The following MED12L variants were observed in gnomAD, a reference collection of about 807,000 sequenced individuals.
The protein encoded by MED12L is mediator complex subunit 12L, also known as mediator of RNA polymerase II transcription subunit 12-like protein.
A neutral mutation model predicts 281.3 loss-of-function variants in MED12L; 60 were observed. The observed-to-expected ratio is 0.21, with a 90% CI of 0.17 to 0.26. The LOEUF (loss-of-function observed/expected upper bound fraction) is 0.26, where lower values mean the gene tolerates loss of function less well. Among genes scored for constraint, MED12L ranks in the 10% least tolerant of loss-of-function variants. MED12L has a pLI of 1.00. For missense variants in MED12L, 2,146 were observed against 2,680.9 expected (o/e 0.80, Z 4.41); for synonymous variants, 974 against 987.2 (o/e 0.99, Z 0.25).
chr3:151,218,862 G>A, intron 16 of MED12L, among the ~76,000 whole-genome samples: 1 of 70,054 alleles, frequency 1.4e-5, no homozygotes, highest in South Asian at 6.6e-4. Context: ...GCAAGACTCA[G>A]TCTCAAAAAA....
At chr3:151,424,692 A>C (rs1718668396) in intron 43 of MED12L, among the ~76,000 whole-genome samples, 1 of 152,162 alleles carries the variant, frequency 6.6e-6, no homozygotes, top group Non-Finnish European at 1.5e-5. Flanking sequence ...TAAACACACA[A>C]AAAATTCTGA....
chr3:151,409,186 G>T, intron 39 of MED12L, 57 bp from the exon 40 acceptor site: 1 of 1,353,628 alleles, frequency 7.4e-7, no homozygotes, highest in Non-Finnish European at 1.0e-6. Context: ...TTAACCAGAA[G>T]CTCAAATCAA....
At chr3:151,228,190 T>C (rs1730922771) in intron 16 of MED12L, among the ~76,000 whole-genome samples, 4 of 152,216 alleles carry the variant, frequency 2.6e-5, no homozygotes, top group Admixed American at 2.6e-4. Context: ...AGCATAATGA[T>C]TACATGCATG....
At chr3:151,247,181 C>T (rs992432062) in intron 16 of MED12L, among the ~76,000 whole-genome samples, 1 of 151,962 alleles carries the variant, frequency 6.6e-6, no homozygotes, top group Non-Finnish European at 1.5e-5. Context: ...TAAACTAGTT[C>T]AACCATTGTG....
intron 43 of MED12L, among the ~76,000 whole-genome samples, chr3:151,419,829 A>G (rs1718036441): frequency 6.6e-6 from 1 of 152,248 alleles, no homozygotes. Context: ...AAGTCAGTAA[A>G]TCCTATGTCA....
chr3:151,394,954 T>A, intron 39 of MED12L, 87 bp downstream of exon 39: 1 of 1,534,410 alleles, frequency 6.5e-7, no homozygotes. Flanking sequence ...GCATATTCTT[T>A]CTGTATGCAT....
At chr3:151,175,839 ACAT>A (rs1721973769) in intron 11 of MED12L, among the ~76,000 whole-genome samples, 2 of 152,244 alleles carry the variant, frequency 1.3e-5, no homozygotes, top group Non-Finnish European at 2.9e-5. Flanking sequence ...GATGAAGATA[ACAT>A]CATTAATTAT....
intron 11 of MED12L, among the ~76,000 whole-genome samples, chr3:151,173,938 G>GT (rs1166918642): frequency 8.5e-5 from 13 of 152,270 alleles, no homozygotes; most frequent in South Asian, 2.1e-4. Flanking sequence ...AAGCAGTAAA[G>GT]TTTTTTGTAC....
chr3:151,382,980 C>G (rs964186557), intron 33 of MED12L, among the ~76,000 whole-genome samples: 8 of 152,200 alleles, frequency 5.3e-5, no homozygotes, highest in Non-Finnish European at 1.2e-4. Context: ...TTTGCCTTCT[C>G]TACCTCTACC....
chr3:151,296,163 C>T (rs972351076), intron 16 of MED12L, among the ~76,000 whole-genome samples: 2 of 152,070 alleles, frequency 1.3e-5, no homozygotes, highest in African/African-American at 4.8e-5. Context: ...TTTTTGTTTA[C>T]AAGGCTAGGT....
intron 16 of MED12L, chr3:151,328,903 G>A: frequency 6.2e-7 from 1 of 1,614,032 alleles, no homozygotes; most frequent in Non-Finnish European, 8.5e-7. Context: ...AAACCACTGT[G>A]TAGAGGGCTG....
chr3:151,304,995 G>C (rs1430053912), intron 16 of MED12L, among the ~76,000 whole-genome samples: 3 of 152,120 alleles, frequency 2.0e-5, no homozygotes, highest in Non-Finnish European at 4.4e-5. Context: ...GCCCTCTCAG[G>C]AGTCATTTGA....
intron 19 of MED12L, among the ~76,000 whole-genome samples, chr3:151,356,818 C>T (rs980893472): frequency 1.3e-5 from 2 of 152,008 alleles, no homozygotes; most frequent in African/African-American, 4.8e-5. Context: ...TATTAGCAAA[C>T]AGAAATAAGA....
chr3:151,247,828 C>A (rs1242893211), intron 16 of MED12L, among the ~76,000 whole-genome samples: 1 of 151,526 alleles, frequency 6.6e-6, no homozygotes, highest in African/African-American at 2.4e-5. Flanking sequence ...TTTAGAGAGT[C>A]ATTTGTTGAC....
rs1713957493 is a variant in MED12L at position 151,122,808 on chromosome 3, T to C, written c.230T>C (p.Leu77Ser). 1 of 1,606,480 alleles carries C rather than the reference T, an allele frequency of 6.2e-7. No individual in the cohort carries two copies. Among genetic ancestry groups the C allele is most frequent in the Non-Finnish European group, 8.5e-7 (1 of 1,176,856 alleles). The change falls in exon 4 of 45, where the codon TTA becomes TCA. Residue 77 changes from leucine to serine, a missense_variant. This residue lies in a region of MED12L where 722 missense variants were observed against 861.2 expected (regional missense o/e 0.84). Coordinates refer to ENST00000687756, the MANE Select transcript of MED12L (RefSeq NM_001393769.1). Reference sequence around the variant, plus strand: ...ATTGGAGCTTATTTTAGCAGCATATTAGCTGAGAAACTGAAGCTTAACACT... The same window carrying C: ...ATTGGAGCTTATTTTAGCAGCATATCAGCTGAGAAACTGAAGCTTAACACT... ...SKIGAYFSSILAEKLKLNTFQ... is the reference protein window; with the variant it reads ...SKIGAYFSSISAEKLKLNTFQ...
At chr3:151,214,286 C>T (rs777754623) in intron 16 of MED12L, 1 of 1,613,858 alleles carries the variant, frequency 6.2e-7, no homozygotes, top group Non-Finnish European at 8.5e-7. Context: ...CAGGATTCAT[C>T]TGGAGGCTGT....
intron 16 of MED12L, among the ~76,000 whole-genome samples, chr3:151,263,954 T>C (rs376836061): frequency 6.6e-6 from 1 of 152,232 alleles, no homozygotes; most frequent in Non-Finnish European, 1.5e-5. Context: ...CAGATAACGA[T>C]GGACAGAGGC....
intron 16 of MED12L, among the ~76,000 whole-genome samples, chr3:151,346,430 A>G (rs982594766): frequency 5.3e-5 from 8 of 152,036 alleles, no homozygotes; most frequent in African/African-American, 1.5e-4. Flanking sequence ...TCACTTCCCT[A>G]TCTTCACCAT....
chr3:151,294,768 C>T, intron 16 of MED12L: 1 of 1,614,140 alleles, frequency 6.2e-7, no homozygotes, highest in Non-Finnish European at 8.5e-7. Context: ...ACAGATAAAA[C>T]CTTCGTGAAG....
Sources: gnomAD v4.1 joint callset for allele counts (sites outside exome capture counted in the v4.1 genomes callset) on GRCh38, gnomAD v4.1.1 for gene constraint, gnomAD v4.1.1 regional missense constraint, MANE v1.5 for transcripts, NCBI Gene and HGNC (gene_info 2026-07-23, HGNC 2026-07-21) for gene names.